The following ZNF106 variants were observed in gnomAD, a reference collection of about 807,000 sequenced individuals.
ZNF106 encodes the protein SH3-domain binding protein 3.
In ZNF106, 67 loss-of-function variants were observed where a neutral mutation model predicts 195.1. The observed-to-expected ratio is 0.34, with a 90% confidence interval of 0.28 to 0.42. The LOEUF is 0.42. Among genes scored for constraint, ZNF106 ranks in the 10% least tolerant of loss-of-function variants. ZNF106 has a pLI of 1.00. For missense variants in ZNF106, 2,118 were observed against 2,304.5 expected (o/e 0.92, Z 1.66); for synonymous variants, 784 against 818.6 (o/e 0.96, Z 0.72).
At position 42,444,894 on chromosome 15, in the gene ZNF106, A is replaced by G. The variant is rs1334787426; in HGVS notation, c.3293T>C (p.Leu1098Pro). The G allele has an allele frequency of 6.2e-7, 1 of 1,614,236 alleles. No homozygotes were observed. The highest frequency in any genetic ancestry group is 8.5e-7 in the Non-Finnish European group (1 of 1,180,030). The change falls in exon 8 of 22, where the codon CTG becomes CCG. Residue 1098 changes from leucine (L) to proline (P), a missense_variant. Physicochemically the swap from Leu to Pro is moderately conservative, Grantham distance 98. Coordinates refer to ENST00000564754, the MANE Select transcript of ZNF106 (RefSeq NM_001366845.3). ...KSLQCMDNNLLQARAALQTAY... is the reference protein window; with the variant it reads ...KSLQCMDNNLPQARAALQTAY... ...TGTCTGAAGGGCTGCACGGGCTTGCAGAAGATTGTTATCCATGCACTGCAA... is the reference window on the plus strand; with the variant it reads ...TGTCTGAAGGGCTGCACGGGCTTGCGGAAGATTGTTATCCATGCACTGCAA...
intron 4 of ZNF106, 103 bp from the exon 5 acceptor site, chr15:42,452,057 A>ATTCTAAGTAACGG: frequency 2.3e-6 from 3 of 1,300,812 alleles, no homozygotes; most frequent in Non-Finnish European, 3.1e-6. Context: ...CCCGTTACTT[A>ATTCTAAGTAACGG]GAATATGTAA....
At chr15:42,490,717 G>C (rs1016881641) in intron 1 of ZNF106, among the ~76,000 whole-genome samples, 4 of 152,180 alleles carry the variant, frequency 2.6e-5, no homozygotes, top group Non-Finnish European at 4.4e-5. Flanking sequence ...AAAGGTCAAG[G>C]CTTTGGAGCC....
chr15:42,457,530 C>T, intron 3 of ZNF106: 1 of 1,091,644 alleles, frequency 9.2e-7, no homozygotes, highest in Non-Finnish European at 1.1e-6. Flanking sequence ...GCCAGCTGCA[C>T]TCAGAAGGCC....
At chr15:42,485,376 T>C (rs986905412) in intron 1 of ZNF106, among the ~76,000 whole-genome samples, 7 of 152,232 alleles carry the variant, frequency 4.6e-5, no homozygotes, top group Non-Finnish European at 8.8e-5. Flanking sequence ...CAAAAAATGC[T>C]GTTTCATTCA....
At chr15:42,434,047 A>T (rs1205363927) in intron 14 of ZNF106, among the ~76,000 whole-genome samples, 1 of 152,046 alleles carries the variant, frequency 6.6e-6, no homozygotes, top group African/African-American at 2.4e-5. Context: ...GGGTCTTGCT[A>T]TGTTGCCCAG....
rs929584611 is a variant in ZNF106 at position 42,448,538 on chromosome 15, A to G, written c.2669T>C (p.Met890Thr). The G allele has an allele frequency of 9.3e-6, 15 of 1,613,994 alleles. No homozygotes were observed. Among genetic ancestry groups the G allele is most frequent in the Non-Finnish European group, 1.0e-5 (12 of 1,180,022 alleles). Residue 890 changes from methionine (M) to threonine (T), a missense_variant, in exon 6 of 22, where the codon ATG becomes ACG. Physicochemically the swap from Met to Thr is moderately conservative, Grantham distance 81 (BLOSUM62 -1). Coordinates refer to ENST00000564754, the MANE Select transcript of ZNF106 (RefSeq NM_001366845.3). ...GCTATACACAGAAGGAGCTCTGTCCATGATCACGCTGCTCTCAGAAAGGCT... is the reference window on the plus strand; with the variant it reads ...GCTATACACAGAAGGAGCTCTGTCCGTGATCACGCTGCTCTCAGAAAGGCT... ...KRSLSESSVIMDRAPSVYSFF... is the reference protein window; with the variant it reads ...KRSLSESSVITDRAPSVYSFF...
At chr15:42,446,442 T>C (rs1253437934) in intron 7 of ZNF106, 147 bp downstream of exon 7, 2 of 670,560 alleles carry the variant, frequency 3.0e-6, no homozygotes, top group African/African-American at 1.8e-5. Flanking sequence ...ATTAATGTAG[T>C]GTCACATACC....
intron 3 of ZNF106, among the ~76,000 whole-genome samples, chr15:42,462,991 G>T (rs1413182058): frequency 1.3e-5 from 2 of 151,332 alleles, no homozygotes; most frequent in East Asian, 3.9e-4. Context: ...AGAGACAGGG[G>T]TCCCACTATG....
At chr15:42,480,297 T>C (rs1008737276) in intron 1 of ZNF106, among the ~76,000 whole-genome samples, 3 of 152,228 alleles carry the variant, frequency 2.0e-5, no homozygotes, top group Non-Finnish European at 4.4e-5. Context: ...TTTATTGTTA[T>C]GATATGATCC....
chr15:42,468,543 G>A (rs1353251050), intron 2 of ZNF106, among the ~76,000 whole-genome samples: 1 of 151,072 alleles, frequency 6.6e-6, no homozygotes, highest in Non-Finnish European at 1.5e-5. Context: ...AGGAGTTCGA[G>A]ACCAGCCTGA....
intron 1 of ZNF106, among the ~76,000 whole-genome samples, chr15:42,483,050 G>A (rs2056938217): frequency 6.6e-6 from 1 of 151,992 alleles, no homozygotes; most frequent in Non-Finnish European, 1.5e-5. Flanking sequence ...TTTACTATTG[G>A]AATTTTAAGC....
chr15:42,459,537 C>T (rs1338410709), intron 3 of ZNF106, among the ~76,000 whole-genome samples: 1 of 152,076 alleles, frequency 6.6e-6, no homozygotes, highest in African/African-American at 2.4e-5. Context: ...ACCAGGGATA[C>T]CGATACTTTT....
At chr15:42,483,951 G>C (rs1002393733) in intron 1 of ZNF106, among the ~76,000 whole-genome samples, 2 of 152,122 alleles carry the variant, frequency 1.3e-5, no homozygotes, top group Non-Finnish European at 2.9e-5. Context: ...ACTGTGCACT[G>C]CTCTTCTGAA....
rs867985591 is a variant in ZNF106 at position 42,450,051 on chromosome 15, C to T, written c.2221G>A (p.Glu741Lys). ...ISQPSGPLLP[E>K]LSKLGFPASL... ...GCAGGAAAGCCAAGCTTACTTAGTT[C>T]AGGCAGGAGAGGGCCCGAGGGCTGA... The change falls in exon 5 of 22, where the codon GAA (glutamate) becomes AAA (lysine). Residue 741 changes from glutamate (E) to lysine (K), a missense_variant. By Grantham distance (56) the Glu-to-Lys change is moderately conservative (BLOSUM62 1). Transcript: ENST00000564754. 6.2e-7 allele frequency: 1 copy of T among 1,614,082 alleles called. No homozygotes were observed. The highest frequency in any genetic ancestry group is 1.3e-5 in the African/African-American group (1 of 74,924).
intron 2 of ZNF106, among the ~76,000 whole-genome samples, chr15:42,469,858 C>CAA (rs879787963): frequency 4.7e-5 from 4 of 86,000 alleles, no homozygotes; most frequent in African/African-American, 1.5e-4. Context: ...AAAACAACAA[C>CAA]AAAAAAAAAA....
chr15:42,476,509 T>C (rs1000854591), intron 1 of ZNF106, among the ~76,000 whole-genome samples: 1 of 152,176 alleles, frequency 6.6e-6, no homozygotes, highest in African/African-American at 2.4e-5. Flanking sequence ...TTCACCATGT[T>C]GGCCAGCTGA....
rs1453519385 is a variant in ZNF106, at chr15:42,415,315, T to A, written c.*1989A>T. 1 of 388,122 alleles carries A rather than the reference T, an allele frequency of 2.6e-6. No homozygotes were observed. The highest frequency in any genetic ancestry group is 7.5e-5 in the East Asian group (1 of 13,392). The allele number at this position is 388,122 out of a possible 1,614,324, so 24.0% of individuals were successfully genotyped here. The stretch of plus-strand genomic sequence containing the variant: ...TTTTGTATTTTTAATAGAGACGGGG[T>A]TTCACTATGTTGGCCAGGCTGGTCT... On this transcript the variant is annotated 3_prime_UTR_variant, in exon 22 of 22. Transcript: ENST00000564754.
At chr15:42,421,407 G>GCC (rs1298101052) in intron 19 of ZNF106, among the ~76,000 whole-genome samples, 1 of 152,164 alleles carries the variant, frequency 6.6e-6, no homozygotes, top group Non-Finnish European at 1.5e-5. Flanking sequence ...AACTGGGGTA[G>GCC]CCCTGGTTTC....
rs1374960345 is a variant in ZNF106, at chr15:42,439,195, A to G, written c.4382T>C (p.Ile1461Thr). Residue 1461 changes from isoleucine (I) to threonine (T), a missense_variant, in exon 11 of 22, where the codon ATT becomes ACT. Ile to Thr is a moderately conservative substitution (Grantham distance 89). Coordinates refer to ENST00000564754, the MANE Select transcript of ZNF106 (RefSeq NM_001366845.3). ...IPNPQLEVVA[I>T]DSSESGEEKP... ...CTCTTCTCCTGATTCTGAAGAATCAATGGCTACTACTTCTAACTGAGGATT... is the reference window on the plus strand; with the variant it reads ...CTCTTCTCCTGATTCTGAAGAATCAGTGGCTACTACTTCTAACTGAGGATT... 3 of 1,614,154 alleles carry G rather than the reference A, an allele frequency of 1.9e-6. No homozygotes were observed. Among genetic ancestry groups the G allele is most frequent in the Non-Finnish European group, 1.7e-6 (2 of 1,180,034 alleles).
Sources: gnomAD v4.1 joint callset for allele counts (sites outside exome capture counted in the v4.1 genomes callset) on GRCh38, gnomAD v4.1.1 for gene constraint, MANE v1.5 for transcripts, NCBI Gene and HGNC (gene_info 2026-07-23, HGNC 2026-07-21) for gene names.